USH2A: variants seen among roughly 807,000 people sequenced by gnomAD.
USH2A encodes the protein Usher syndrome 2A (autosomal recessive, mild).
Under a neutral mutation model 538.9 loss-of-function variants are expected in USH2A, and 443 were observed. That is an observed-to-expected ratio of 0.82 (90% CI 0.76 to 0.89). The LOEUF is 0.89. USH2A is among the 40% of genes least tolerant of loss of function. The probability of loss-of-function intolerance (pLI) is 0.00; values close to 1 mark genes in which losing one functional copy is unlikely to be tolerated. For missense variants in USH2A, 6,633 were observed against 6,324.8 expected (o/e 1.05, Z -1.65); for synonymous variants, 2,413 against 2,273.5 (o/e 1.06, Z -1.75).
In USH2A at chr1:216,200,031, C is replaced by T. The variant is rs483353055; in HGVS notation, c.3407G>A (p.Ser1136Asn). 11 of 1,613,982 alleles carry T rather than the reference C, an allele frequency of 6.8e-6. No homozygotes were observed. Among genetic ancestry groups the T allele is most frequent in the Non-Finnish European group, 9.3e-6 (11 of 1,179,980 alleles). ...TTTTGTCTTGTAAGTGACAGCTACA[C>T]TCCTTGTTGAACCATGCACATTGGT... The part of the protein sequence containing the change: ...ETTNVHGSTR[S>N]VAVTYKTKPG... Residue 1136 changes from serine (S) to asparagine (N), a missense_variant, in exon 17 of 72, where the codon AGT (serine) becomes AAT (asparagine). Transcript: ENST00000307340.
chr1:215,649,478 A>T (rs193138256), intron 65 of USH2A, among the ~76,000 whole-genome samples: 194 of 152,300 alleles, frequency 1.3e-3, no homozygotes, highest in Non-Finnish European at 2.3e-3. Flanking sequence ...AAGAGCTGTT[A>T]AAAAATGCAT....
intron 44 of USH2A, among the ~76,000 whole-genome samples, chr1:215,853,705 T>C (rs1193515933): frequency 3.9e-5 from 6 of 152,184 alleles, no homozygotes; most frequent in Admixed American, 3.9e-4. Flanking sequence ...AAATAATCTC[T>C]CTCAAGTTCA....
intron 25 of USH2A, 66 bp from the exon 26 acceptor site, chr1:216,083,652 C>T (rs2032023089): frequency 6.6e-7 from 1 of 1,525,366 alleles, no homozygotes; most frequent in Admixed American, 1.8e-5. Flanking sequence ...TGTAAGGGTG[C>T]TAAGAAACTC....
rs573958685 is a variant in USH2A, at chr1:216,229,161, G to A, written c.2993+2792C>T. The stretch of plus-strand genomic sequence containing the variant: ...TGCACTCCAGCCTAGGCGACAGAGT[G>A]TGAGACTCTGTCCAAAAAAAAAACC... On this transcript the variant is annotated intron_variant, in intron 14 of 71. Coordinates refer to ENST00000307340, the MANE Select transcript of USH2A (RefSeq NM_206933.4). Among the ~76,000 whole-genome samples, 15 of 151,668 alleles carry A rather than the reference G, an allele frequency of 9.9e-5. No homozygotes were observed. In the South Asian group the frequency reaches 2.7e-3, roughly 27 times the overall value.
chr1:215,640,529 A>G, intron 68 of USH2A, 29 bp downstream of exon 68: 2 of 1,612,918 alleles, frequency 1.2e-6, no homozygotes, highest in Non-Finnish European at 1.7e-6. Flanking sequence ...AGCGCCTTCC[A>G]CACTGAGAAA....
At chr1:215,825,980 G>T (rs1381009097) in intron 47 of USH2A, among the ~76,000 whole-genome samples, 1 of 152,142 alleles carries the variant, frequency 6.6e-6, no homozygotes, top group African/African-American at 2.4e-5. Flanking sequence ...GCTTGACAGG[G>T]AACTCTTAAA....
chr1:215,934,853 T>C, intron 37 of USH2A, 58 bp from the exon 38 acceptor site: 1 of 1,478,172 alleles, frequency 6.8e-7, no homozygotes. Flanking sequence ...ATTCCTGCTA[T>C]TATTTGAGTA....
chr1:216,030,482 T>C (rs1275389384), intron 32 of USH2A, among the ~76,000 whole-genome samples: 1 of 137,228 alleles, frequency 7.3e-6, no homozygotes, highest in African/African-American at 2.7e-5. Context: ...ATATATGATA[T>C]ATAGATATAT....
Position 216,368,098 on chromosome 1 carries a change from T to C in USH2A, c.652-3013A>G, listed in dbSNP as rs143041758. On this transcript the variant is annotated intron_variant, in intron 3 of 71. Coordinates refer to ENST00000307340, the MANE Select transcript of USH2A (RefSeq NM_206933.4). The stretch of plus-strand genomic sequence containing the variant: ...AAAGAAGATACAGAGAAGGTCATGC[T>C]CAAATCTTCATTCTCTTCAGTTTCA... 2.1e-4 allele frequency among the ~76,000 whole-genome samples: 32 copies of C among 152,298 alleles called. 2 individuals carry two copies. In the East Asian group the frequency reaches 5.6e-3, roughly 27 times the overall value.
intron 4 of USH2A, among the ~76,000 whole-genome samples, chr1:216,354,323 A>G (rs184842167): frequency 6.6e-6 from 1 of 152,180 alleles, no homozygotes; most frequent in East Asian, 1.9e-4. Flanking sequence ...AGTGTTTATC[A>G]TACAATAAAA....
intron 40 of USH2A, among the ~76,000 whole-genome samples, chr1:215,889,391 C>T (rs11580485): frequency 6.6e-6 from 1 of 152,118 alleles, no homozygotes; most frequent in Admixed American, 6.6e-5. Flanking sequence ...GTAGTTGTTA[C>T]TAAAGTTCTA....
At chr1:215,948,447 C>T (rs551340517) in intron 37 of USH2A, among the ~76,000 whole-genome samples, 72 of 117,516 alleles carry the variant, frequency 6.1e-4, no homozygotes, top group South Asian at 1.9e-3. Flanking sequence ...TATATATACA[C>T]ACACACACAC....
intron 21 of USH2A, among the ~76,000 whole-genome samples, chr1:216,112,709 A>G (rs207461110): frequency 1.3e-5 from 2 of 152,050 alleles, no homozygotes; most frequent in East Asian, 3.9e-4. Context: ...AATGTGCAGT[A>G]TTTAGATTTC....
rs541404260 is a variant in USH2A at position 216,349,053 on chromosome 1, C to T, written c.784+15900G>A. On this transcript the variant is annotated intron_variant, in intron 4 of 71. Transcript: ENST00000307340. ...TGCTTTACTGCTGCGGAATGTATTG[C>T]TGTTATACTCTTTGTGTAGGATAAG... Among the ~76,000 whole-genome samples, 5 of 152,166 alleles carry T rather than the reference C, an allele frequency of 3.3e-5. No individual in the cohort carries two copies. In the East Asian group the frequency reaches 9.7e-4, roughly 29 times the overall value.
chr1:215,927,464 GATAA>G (rs1274998500), intron 38 of USH2A, among the ~76,000 whole-genome samples: 1 of 151,192 alleles, frequency 6.6e-6, no homozygotes, highest in African/African-American at 2.5e-5. Flanking sequence ...TAAATATATA[GATAA>G]ATATATTTAT....
At chr1:215,733,532 CA>C (rs1471152538) in intron 60 of USH2A, among the ~76,000 whole-genome samples, 2 of 152,196 alleles carry the variant, frequency 1.3e-5, no homozygotes, top group Non-Finnish European at 2.9e-5. Context: ...TCAAAAGCCC[CA>C]AGTCTCAAGT....
intron 50 of USH2A, among the ~76,000 whole-genome samples, chr1:215,798,083 A>G (rs1025664199): frequency 1.3e-5 from 2 of 152,176 alleles, no homozygotes; most frequent in South Asian, 4.1e-4. Flanking sequence ...AATGGGAAAA[A>G]TAACTGCAGA....
At chr1:215,840,445 TAATAAG>T (rs1663647989) in intron 46 of USH2A, among the ~76,000 whole-genome samples, 1 of 152,120 alleles carries the variant, frequency 6.6e-6, no homozygotes. Context: ...TAGTAATCAG[TAATAAG>T]AATATCTTAG....
intron 21 of USH2A, among the ~76,000 whole-genome samples, chr1:216,154,600 G>A (rs954856126): frequency 1.3e-5 from 2 of 152,074 alleles, no homozygotes; most frequent in Non-Finnish European, 2.9e-5. Context: ...TTTGACAGAT[G>A]TACACACTTG....
Sources: allele counts gnomAD v4.1 joint callset (sites outside exome capture counted in the v4.1 genomes callset), GRCh38; gene constraint gnomAD v4.1.1; transcripts MANE v1.5; gene names NCBI Gene and HGNC (gene_info 2026-07-23, HGNC 2026-07-21).